GRIP1: variants seen among roughly 807,000 people sequenced by gnomAD.
GRIP1 encodes the protein glutamate receptor-interacting protein 1.
In GRIP1, 45 loss-of-function variants were observed where a neutral mutation model predicts 129.9. That is an observed-to-expected ratio of 0.35 (90% CI 0.27 to 0.44). The LOEUF is 0.44. Ranked by LOEUF, GRIP1 falls within the 20% of genes least tolerant of loss-of-function variation. The pLI is 1.00. For synonymous variants in GRIP1, 530 were observed against 520.8 expected (o/e 1.02, Z -0.24); for missense variants, 1,196 against 1,396.8 (o/e 0.86, Z 2.29).
At chr12:66,862,913 C>A (rs1300179557) in intron 1 of GRIP1, among the ~76,000 whole-genome samples, 2 of 151,962 alleles carry the variant, frequency 1.3e-5, no homozygotes, top group African/African-American at 4.8e-5. Flanking sequence ...GTATTGTGAG[C>A]AATCTCTTAA....
In GRIP1 at chr12:66,789,253, G is replaced by A. The variant is rs2038452802; in HGVS notation, c.-420+14800C>T. Reference sequence around the variant, plus strand: ...GTTCTAGGCACAGGAGAATTAAGTCGGATGGGCAGCTTGTTTCAAAGAGCT... The same window carrying A: ...GTTCTAGGCACAGGAGAATTAAGTCAGATGGGCAGCTTGTTTCAAAGAGCT... On this transcript the variant is annotated intron_variant, in intron 1 of 4. Coordinates refer to the GRIP1 transcript ENST00000538373. Among the ~76,000 whole-genome samples the A allele has an allele frequency of 2.0e-5, 3 of 152,094 alleles. No individual in the cohort carries two copies. In the South Asian group the frequency reaches 6.2e-4, roughly 32 times the overall value.
At chr12:66,376,989 C>G (rs754429255) in intron 22 of GRIP1, 28 bp downstream of exon 22, 32 of 1,569,914 alleles carry the variant, frequency 2.0e-5, no homozygotes, top group Non-Finnish European at 2.7e-5. Flanking sequence ...GCTTCACAAG[C>G]AAAAATATAA....
intron 1 of GRIP1, among the ~76,000 whole-genome samples, chr12:66,601,233 A>G (rs555101600): frequency 5.3e-5 from 8 of 152,288 alleles, no homozygotes; most frequent in African/African-American, 1.9e-4. Flanking sequence ...ATTTGTTTTG[A>G]TCACATGAAG....
intron 1 of GRIP1, among the ~76,000 whole-genome samples, chr12:66,672,556 T>C (rs1473963421): frequency 6.6e-6 from 1 of 152,056 alleles, no homozygotes; most frequent in African/African-American, 2.4e-5. Context: ...AATAAGATTT[T>C]CTTCTGTATA....
intron 23 of GRIP1, among the ~76,000 whole-genome samples, chr12:66,361,772 TG>T (rs1363342510): frequency 6.6e-6 from 1 of 152,170 alleles, no homozygotes; most frequent in Non-Finnish European, 1.5e-5. Flanking sequence ...GGCTCTGGCC[TG>T]GCCCTTCTCC....
chr12:66,864,423 G>T (rs2040166170), intron 1 of GRIP1, among the ~76,000 whole-genome samples: 1 of 152,078 alleles, frequency 6.6e-6, no homozygotes. Context: ...AATTTTTAAA[G>T]GTCTGTTTAG....
At chr12:66,380,757 G>A (rs1313925515) in intron 19 of GRIP1, among the ~76,000 whole-genome samples, 1 of 152,178 alleles carries the variant, frequency 6.6e-6, no homozygotes, top group African/African-American at 2.4e-5. Flanking sequence ...AGTGGGGCTC[G>A]ATTGTAGGTC....
chr12:66,776,981 C>A (rs2038001504), intron 1 of GRIP1, among the ~76,000 whole-genome samples: 1 of 152,134 alleles, frequency 6.6e-6, no homozygotes, highest in South Asian at 2.1e-4. Context: ...ATGTTGATTC[C>A]AGGATATATA....
chr12:66,941,355 C>CT (rs1262810884), intron 1 of GRIP1, among the ~76,000 whole-genome samples: 1 of 152,194 alleles, frequency 6.6e-6, no homozygotes, highest in African/African-American at 2.4e-5. Flanking sequence ...ACACTGGAAT[C>CT]TTATCAATAG....
intron 15 of GRIP1, among the ~76,000 whole-genome samples, chr12:66,417,790 CACAA>C (rs1432161330): frequency 8.6e-5 from 13 of 151,978 alleles, no homozygotes; most frequent in South Asian, 4.1e-4. Context: ...TTGAAGAGGA[CACAA>C]ACAAATAGAA....
chr12:66,378,475 C>T (rs767412137), intron 20 of GRIP1, among the ~76,000 whole-genome samples: 4 of 150,692 alleles, frequency 2.7e-5, no homozygotes, highest in Non-Finnish European at 4.4e-5. Flanking sequence ...AGGCTGGGCA[C>T]GGTGGCTCAC....
chr12:66,993,580 C>G (rs891861702), intron 1 of GRIP1, among the ~76,000 whole-genome samples: 7 of 152,070 alleles, frequency 4.6e-5, no homozygotes, highest in African/African-American at 1.7e-4. Flanking sequence ...CACCTGATGT[C>G]AGAAGTTTGA....
chr12:66,462,433 C>A (rs1057233725), intron 9 of GRIP1, among the ~76,000 whole-genome samples: 11 of 152,084 alleles, frequency 7.2e-5, no homozygotes, highest in African/African-American at 2.7e-4. Flanking sequence ...TCCTTGTCTG[C>A]ACATTCAATT....
chr12:66,785,447 A>G (rs2038310277), intron 1 of GRIP1, among the ~76,000 whole-genome samples: 2 of 149,866 alleles, frequency 1.3e-5, no homozygotes, highest in Admixed American at 1.3e-4. Flanking sequence ...GGGGGATGGA[A>G]GCTGTGGTGA....
intron 23 of GRIP1, among the ~76,000 whole-genome samples, chr12:66,356,437 GA>G (rs1397228754): frequency 1.3e-5 from 2 of 152,176 alleles, no homozygotes; most frequent in Non-Finnish European, 2.9e-5. Flanking sequence ...TCATTGCAGA[GA>G]GGAATATTTA....
chr12:66,352,044 C>T lies in GRIP1; in HGVS notation c.3159+1373G>A, dbSNP rs546715787. On this transcript the variant is annotated intron_variant, in intron 24 of 24. Transcript: ENST00000359742. ...GAGAAAGGAAAGAGTATATAAGGCT[C>T]AGAGCCAATGCGCTTCTATTCTGCT... Among the ~76,000 whole-genome samples the T allele has an allele frequency of 8.5e-5, 13 of 152,272 alleles. No individual in the cohort carries two copies. In the South Asian group the frequency reaches 1.5e-3, roughly 17 times the overall value.
intron 1 of GRIP1, among the ~76,000 whole-genome samples, chr12:66,793,950 A>G (rs978495119): frequency 3.9e-5 from 6 of 152,216 alleles, no homozygotes; most frequent in Admixed American, 1.3e-4. Context: ...ATTACGAAGC[A>G]TAGGGCCTAG....
chr12:66,397,564 A>C (rs917355752), intron 16 of GRIP1, among the ~76,000 whole-genome samples: 1 of 152,170 alleles, frequency 6.6e-6, no homozygotes, highest in Non-Finnish European at 1.5e-5. Flanking sequence ...GCTTTAAAAA[A>C]ACAGTTGGTT....
In GRIP1 at chr12:66,691,046, T is replaced by TA. The variant is rs1270673000; in HGVS notation, c.-419-60711dup. Among the ~76,000 whole-genome samples, 8 of 152,322 alleles carry TA rather than the reference T, an allele frequency of 5.3e-5. No homozygotes were observed. The East Asian group carries it at 1.4e-3, about 26-fold the overall frequency. ...TTCCCTTTTCTCCATGCTAGCCAGC[T>TA]ATGCTATTTGCTCAACCCAAGAAAT... is the stretch of plus-strand genomic sequence containing the variant. On this transcript the variant is annotated intron_variant, in intron 1 of 4. Coordinates refer to the GRIP1 transcript ENST00000538373.
Sources: allele counts gnomAD v4.1 joint callset (sites outside exome capture counted in the v4.1 genomes callset), GRCh38; gene constraint gnomAD v4.1.1; transcripts MANE v1.5; gene names NCBI Gene and HGNC (gene_info 2026-07-23, HGNC 2026-07-21).